TMEM259: variants seen among roughly 807,000 people sequenced by gnomAD.
The protein encoded by TMEM259 is transmembrane protein 259, also known as membralin.
In TMEM259, 26 loss-of-function variants were observed where a neutral mutation model predicts 46.7. The observed-to-expected ratio is 0.56, with a 90% confidence interval of 0.41 to 0.77. The LOEUF is 0.77. TMEM259 is among the 30% of genes least tolerant of loss of function. The probability of loss-of-function intolerance (pLI) is 0.00; values close to 1 mark genes in which losing one functional copy is unlikely to be tolerated. For synonymous variants in TMEM259, 494 were observed against 395.1 expected (o/e 1.25, Z -2.97); for missense variants, 930 against 900.5 (o/e 1.03, Z -0.42).
intron 10 of TMEM259, 93 bp from the exon 11 acceptor site, chr19:1,010,988 T>C: frequency 6.5e-7 from 1 of 1,546,138 alleles, no homozygotes; most frequent in South Asian, 1.2e-5. Context: ...CCATCCACGC[T>C]ACCTCTGCCC....
chr19:1,013,755 C>A, intron 2 of TMEM259: 1 of 280,872 alleles, frequency 3.6e-6, no homozygotes, highest in Non-Finnish European at 6.8e-6. Context: ...CACCAGTGCC[C>A]AAGGCCACCA....
rs1004566093 is a variant in TMEM259, at chr19:1,009,666, C to G, written c.*684G>C. ...AGCGCAGTGAGCCGCTGTCAACAGA[C>G]AGTTTATTCTATATACAAACACAAT... is the stretch of plus-strand genomic sequence containing the variant. On this transcript the variant is annotated 3_prime_UTR_variant, in exon 11 of 11. Transcript: ENST00000356663. 4 of 1,255,068 alleles carry G rather than the reference C, an allele frequency of 3.2e-6. No homozygotes were observed. In the Admixed American group the frequency reaches 1.2e-4, roughly 38 times the overall value. The allele number at this position is 1,255,068 out of a possible 1,614,324, so 77.7% of individuals were successfully genotyped here. A position where few individuals can be genotyped will look rare whatever the true frequency, so the allele number is the denominator to read the frequency against.
In TMEM259 at chr19:1,010,799, G is replaced by A; in HGVS notation, c.1414C>T (p.Pro472Ser). 1 of 1,575,514 alleles carries A rather than the reference G, an allele frequency of 6.3e-7. No homozygotes were observed. The highest frequency in any genetic ancestry group is 8.6e-7 in the Non-Finnish European group (1 of 1,169,458). Residue 472 changes from proline (P) to serine (S), a missense_variant, in exon 11 of 11, where the codon CCC becomes TCC. Physicochemically the swap from Pro to Ser is moderately conservative, Grantham distance 74. Coordinates refer to ENST00000356663, the MANE Select transcript of TMEM259 (RefSeq NM_001033026.2). ...EMLLQAPPLG[P>S]GTPTALPDDM... ...TCGGGCAGCGCCGTGGGGGTCCCGG[G>A]GCCCAGTGGCGGCGCCTGAAGCAGC...
rs72973525 is a variant in TMEM259, at chr19:1,020,026, G to A, written c.225+746C>T. Among the ~76,000 whole-genome samples the A allele has an allele frequency of 9.1e-3, 1,385 of 152,090 alleles. 11 individuals are homozygous for A. The highest frequency in any genetic ancestry group is 0.016 in the Non-Finnish European group (1,081 of 67,964). ...GACAGAGCCCAAGACGCGGAGGCCGGTGCCTCATAGGGGAGGCACGGGCGA... is the reference window on the plus strand; with the variant it reads ...GACAGAGCCCAAGACGCGGAGGCCGATGCCTCATAGGGGAGGCACGGGCGA... On this transcript the variant is annotated intron_variant, in intron 1 of 10. Coordinates refer to ENST00000356663, the MANE Select transcript of TMEM259 (RefSeq NM_001033026.2). The surrounding 1 kb of genome is among the most constrained non-coding windows in gnomAD (Gnocchi z 4.0).
At position 1,014,273 on chromosome 19, in the gene TMEM259, C is replaced by T. The variant is rs752139242; in HGVS notation, c.426G>A (p.Val142=). The T allele has an allele frequency of 4.3e-6, 7 of 1,613,100 alleles. No individual in the cohort carries two copies. Among genetic ancestry groups the T allele is most frequent in the African/African-American group, 1.3e-5 (1 of 75,068 alleles). The change falls in exon 2 of 11, where the codon GTG becomes GTA. Residue 142 remains valine (V), a synonymous_variant. Coordinates refer to ENST00000356663, the MANE Select transcript of TMEM259 (RefSeq NM_001033026.2). ...CCATGTCCAGGTTGCTGCCTGGTTCCACGGCCAGGCCCGGGAAGCTCCCGC... is the reference window on the plus strand; with the variant it reads ...CCATGTCCAGGTTGCTGCCTGGTTCTACGGCCAGGCCCGGGAAGCTCCCGC... ...GGRGSFPGLA[V]EPGSNLDMED...
chr19:1,012,407 A>T (rs1412861506), intron 4 of TMEM259, 56 bp downstream of exon 4: 2 of 1,535,048 alleles, frequency 1.3e-6, no homozygotes, highest in African/African-American at 1.4e-5. Context: ...AGGAGACCCG[A>T]GGGAGGAGGG....
chr19:1,018,138 G>C lies in TMEM259; in HGVS notation c.225+2634C>G. Among the ~76,000 whole-genome samples, 5 of 152,308 alleles carry C rather than the reference G, an allele frequency of 3.3e-5. No individual in the cohort carries two copies. The South Asian group carries it at 1.0e-3, about 32-fold the overall frequency. On this transcript the variant is annotated intron_variant, in intron 1 of 10. Coordinates refer to ENST00000356663, the MANE Select transcript of TMEM259 (RefSeq NM_001033026.2). ...GGTCACCTGGGTCCAGAGCCCAACC[G>C]CACAGGTGCAGGCACCCAGTGCCCC...
Position 1,011,622 on chromosome 19 carries a change from A to G in TMEM259, c.1042T>C (p.Phe348Leu). The change falls in exon 8 of 11, where the codon TTC (phenylalanine) becomes CTC (leucine). Residue 348 changes from phenylalanine to leucine, a missense_variant. Physicochemically the swap from Phe to Leu is conservative, Grantham distance 22. Transcript: ENST00000356663. ...ACGGTCAGCAGGGGCGCTGCGGGGA[A>G]GGCGATGGCCATGTTCATCTCCAGC... ...QMLEMNMAIA[F>L]PAAPLLTVIL... 4 of 1,546,678 alleles carry G rather than the reference A, an allele frequency of 2.6e-6. No individual in the cohort carries two copies. The highest frequency in any genetic ancestry group is 3.5e-6 in the Non-Finnish European group (4 of 1,145,588).
intron 1 of TMEM259, 50 bp from the exon 2 acceptor site, chr19:1,014,523 G>A (rs769730612): frequency 2.2e-5 from 35 of 1,574,078 alleles, no homozygotes; most frequent in Admixed American, 5.4e-5. Context: ...AGCTGCAGCC[G>A]ACACCCAAGG....
At position 1,011,145 on chromosome 19, in the gene TMEM259, T is replaced by C. The variant is rs750857613; in HGVS notation, c.1268A>G (p.Asn423Ser). 1.3e-5 allele frequency: 21 copies of C among 1,605,726 alleles called. No individual in the cohort carries two copies. The highest frequency in any genetic ancestry group is 5.1e-5 in the Admixed American group (3 of 59,336). The change falls in exon 10 of 11, where the codon AAT becomes AGT. Residue 423 changes from asparagine to serine, a missense_variant. Coordinates refer to ENST00000356663, the MANE Select transcript of TMEM259 (RefSeq NM_001033026.2). ...CAGGGCCAGGCTGCTATACTGCCCA[T>C]TGAAGCGGTAGTGATAGGCATAGAA... ...FAFYAYHYRF[N>S]GQYSSLALVT...
rs56377946 is a variant in TMEM259, at chr19:1,011,811, C to T, written c.943-13G>A. ...ACACGCTCAGCGTCTGCAAGGGGCG[C>T]GCAGGAAGCGCTATGAGGGGCTGCG... On this transcript the variant is annotated splice_polypyrimidine_tract_variant and intron_variant, in intron 6 of 10. Coordinates refer to ENST00000356663, the MANE Select transcript of TMEM259 (RefSeq NM_001033026.2). 2.2e-4 allele frequency: 346 copies of T among 1,584,488 alleles called. 1 individual carries two copies. Among genetic ancestry groups the T allele is most frequent in the African/African-American group, 1.1e-3 (81 of 74,078 alleles).
At position 1,011,573 on chromosome 19, in the gene TMEM259, T is replaced by A; in HGVS notation, c.1084+7A>T. The A allele has an allele frequency of 1.3e-6, 2 of 1,540,686 alleles. No homozygotes were observed. Among genetic ancestry groups the A allele is most frequent in the Admixed American group, 3.9e-5 (2 of 50,754 alleles). The stretch of plus-strand genomic sequence containing the variant: ...GCGGGGCGGGGGAGGCCGGGTGGGG[T>A]CCTCACCGACGAGGGCCAGGATGAC... On this transcript the variant is annotated splice_region_variant and intron_variant, in intron 8 of 10. Coordinates refer to ENST00000356663, the MANE Select transcript of TMEM259 (RefSeq NM_001033026.2).
Position 1,020,958 on chromosome 19 carries a change from C to T in TMEM259, c.39G>A (p.Gly13=). 1 of 1,269,540 alleles carries T rather than the reference C, an allele frequency of 7.9e-7. No individual in the cohort carries two copies. Among genetic ancestry groups the T allele is most frequent in the Non-Finnish European group, 9.9e-7 (1 of 1,006,082 alleles). 78.6% of individuals were successfully genotyped at this position (1,269,540 alleles called of 1,614,324 possible). ...CCGGGCCGCCGCCGCCGCCGTTGGG[C>T]CCGGGCCCCGGAGCTGCGGGCTCCA... The part of the protein sequence containing the change: ...EHVEPAAPGP[G]PNGGGGGPAP... Residue 13 remains glycine, a synonymous_variant, in exon 1 of 11, where the codon GGG becomes GGA. Coordinates refer to ENST00000356663, the MANE Select transcript of TMEM259 (RefSeq NM_001033026.2). This position sits in a 1 kb window ranked among gnomAD's most constrained non-coding sequence, Gnocchi z 4.0.
intron 3 of TMEM259, among the ~76,000 whole-genome samples, chr19:1,012,938 C>T (rs1020489509): frequency 6.6e-6 from 1 of 152,216 alleles, no homozygotes; most frequent in South Asian, 2.1e-4. Context: ...GGGGCGGGGG[C>T]GGGGGCTTCC....
Position 1,011,404 on chromosome 19 carries a change from A to AT in TMEM259, c.1179_1180insA (p.Cys394MetfsTer34). On this transcript the variant is annotated frameshift_variant, in exon 9 of 11. Transcript: ENST00000356663. LOFTEE classifies it high-confidence loss of function. ...CGCTTGCTGGTGCTGGTGTGGCAGC[A>AT]GATGGCGTCATACTGGTCCGCGAGC... The AT allele has an allele frequency of 6.4e-7, 1 of 1,565,180 alleles. No homozygotes were observed. The highest frequency in any genetic ancestry group is 1.4e-5 in the African/African-American group (1 of 73,490).
chr19:1,010,314 A>G lies in TMEM259; in HGVS notation c.*36T>C. The stretch of plus-strand genomic sequence containing the variant: ...CCACGGGCTCGGGAAGGTCAGGCCC[A>G]GCCAGCAGGGGTCAGAGGCGGCTCA... On this transcript the variant is annotated 3_prime_UTR_variant, in exon 11 of 11. Coordinates refer to ENST00000356663, the MANE Select transcript of TMEM259 (RefSeq NM_001033026.2). 3 of 1,434,314 alleles carry G rather than the reference A, an allele frequency of 2.1e-6. No homozygotes were observed. The highest frequency in any genetic ancestry group is 1.5e-5 in the South Asian group (1 of 68,770). The allele number at this position is 1,434,314 out of a possible 1,614,324, so 88.8% of individuals were successfully genotyped here.
In TMEM259 at chr19:1,012,509, C is replaced by T. The variant is rs1403958247; in HGVS notation, c.672G>A (p.Gln224=). ...SLEYGFLRLS[Q]ATRQRLSIPV... is the part of the protein sequence containing the mutation. ...GGATGCTCAGGCGCTGGCGGGTGGC[C>T]TGCGACAGGCGAAGGAAGCCATACT... The change falls in exon 4 of 11, where the codon CAG becomes CAA. Residue 224 remains glutamine, a synonymous_variant. Coordinates refer to ENST00000356663, the MANE Select transcript of TMEM259 (RefSeq NM_001033026.2). 1 of 1,601,376 alleles carries T rather than the reference C, an allele frequency of 6.2e-7. No individual in the cohort carries two copies. The highest frequency in any genetic ancestry group is 1.3e-5 in the African/African-American group (1 of 74,846).
chr19:1,020,802 G>A lies in TMEM259; in HGVS notation c.195C>T (p.Arg65=). 7.3e-7 allele frequency: 1 copy of A among 1,360,948 alleles called. No individual in the cohort carries two copies. The highest frequency in any genetic ancestry group is 2.0e-5 in the South Asian group (1 of 49,178). The allele number at this position is 1,360,948 out of a possible 1,614,324, so 84.3% of individuals were successfully genotyped here. A position where few individuals can be genotyped will look rare whatever the true frequency, so the allele number is the denominator to read the frequency against. The change falls in exon 1 of 11, where the codon CGC becomes CGT. Residue 65 remains arginine, a synonymous_variant. Transcript: ENST00000356663. The surrounding 1 kb of genome is among the most constrained non-coding windows in gnomAD (Gnocchi z 4.0). ...GCAGCACGAAGAACTCGAAGAGACGGCGGAAGGCGGGCGGGAAGAGCCGCG... is the reference window on the plus strand; with the variant it reads ...GCAGCACGAAGAACTCGAAGAGACGACGGAAGGCGGGCGGGAAGAGCCGCG... The part of the protein sequence containing the change: ...TYSRLFPPAF[R]RLFEFFVLLK...
At chr19:1,019,380 C>T (rs917820608) in intron 1 of TMEM259, among the ~76,000 whole-genome samples, 26 of 152,240 alleles carry the variant, frequency 1.7e-4, no homozygotes, top group Admixed American at 1.6e-3. Flanking sequence ...AGACCAGCCT[C>T]CGTCCACAGT....
Sources: gnomAD v4.1 joint callset for allele counts (sites outside exome capture counted in the v4.1 genomes callset) on GRCh38, gnomAD v4.1.1 for gene constraint, Gnocchi (gnomAD v3.1) non-coding constraint, MANE v1.5 for transcripts, NCBI Gene and HGNC (gene_info 2026-07-23, HGNC 2026-07-21) for gene names.